The following TIAM2 variants were observed in gnomAD, a reference collection of about 807,000 sequenced individuals.
The protein encoded by TIAM2 is TIAM Rac1 associated GEF 2.
In TIAM2, 80 loss-of-function variants were observed where a neutral mutation model predicts 152.9. The ratio of observed to expected loss-of-function variants is 0.52; its 90% CI spans 0.44 to 0.63. The LOEUF (loss-of-function observed/expected upper bound fraction) is 0.63. Ranked by LOEUF, TIAM2 falls within the 30% of genes least tolerant of loss-of-function variation. The pLI is 0.00. For synonymous variants in TIAM2, 804 were observed against 838.0 expected (o/e 0.96, Z 0.70); for missense variants, 1,965 against 2,120.1 (o/e 0.93, Z 1.44).
chr6:155,145,964 TTA>T (rs1387591107), intron 6 of TIAM2, among the ~76,000 whole-genome samples: 1 of 152,188 alleles, frequency 6.6e-6, no homozygotes, highest in Non-Finnish European at 1.5e-5. Context: ...AGTAATGAAT[TTA>T]TGTTAGTCTG....
chr6:155,078,656 C>G (rs1055067210), intron 1 of TIAM2, among the ~76,000 whole-genome samples: 5 of 152,214 alleles, frequency 3.3e-5, no homozygotes, highest in Non-Finnish European at 5.9e-5. Context: ...TGTCTGAACT[C>G]CCACCCAGGA....
chr6:155,202,988 G>A (rs1034012252), intron 14 of TIAM2, among the ~76,000 whole-genome samples: 2 of 144,154 alleles, frequency 1.4e-5, no homozygotes, highest in South Asian at 2.2e-4. Context: ...GGCGGAGGTC[G>A]CAGTGAGCTG....
chr6:155,206,841 A>G (rs564972056), intron 14 of TIAM2, among the ~76,000 whole-genome samples: 60 of 152,346 alleles, frequency 3.9e-4, no homozygotes, highest in African/African-American at 1.4e-3. Flanking sequence ...AAAAGGGTAT[A>G]TTAACCAGAT....
chr6:155,008,145 G>A (rs1778429370), intron 1 of TIAM2, among the ~76,000 whole-genome samples: 1 of 152,126 alleles, frequency 6.6e-6, no homozygotes, highest in Non-Finnish European at 1.5e-5. Flanking sequence ...AGAGTGCATT[G>A]AAAATTCTTG....
intron 15 of TIAM2, among the ~76,000 whole-genome samples, chr6:155,230,556 G>A (rs1387654263): frequency 6.6e-6 from 1 of 152,198 alleles, no homozygotes; most frequent in African/African-American, 2.4e-5. Context: ...GTTCATCAAA[G>A]TGTCTTTATG....
chr6:155,040,868 A>G (rs1777013250), intron 1 of TIAM2, among the ~76,000 whole-genome samples: 2 of 152,152 alleles, frequency 1.3e-5, no homozygotes, highest in South Asian at 4.1e-4. Flanking sequence ...TTTTGGAAGT[A>G]AAATAACAGG....
At chr6:155,004,297 T>C (rs9480003) in intron 1 of TIAM2, among the ~76,000 whole-genome samples, 34,615 of 152,222 alleles carry the variant, frequency 0.23, 4,672 homozygotes, top group African/African-American at 0.38. Context: ...GTCTTCCTAG[T>C]GTGCCTCAGT....
At chr6:155,249,994 G>A (rs1426094679) in intron 21 of TIAM2, 25 bp downstream of exon 21, 1 of 1,579,984 alleles carries the variant, frequency 6.3e-7, no homozygotes, top group Admixed American at 1.7e-5. Context: ...TGCACCCTGG[G>A]AGCCTAGTGC....
At chr6:155,096,002 C>T (rs1778412180) in intron 2 of TIAM2, among the ~76,000 whole-genome samples, 1 of 152,086 alleles carries the variant, frequency 6.6e-6, no homozygotes, top group South Asian at 2.1e-4. Context: ...TTAGCCAAAA[C>T]TCATTGTGTA....
At chr6:155,081,427 G>A (rs1214331488) in intron 1 of TIAM2, among the ~76,000 whole-genome samples, 1 of 147,888 alleles carries the variant, frequency 6.8e-6, no homozygotes, top group Non-Finnish European at 1.5e-5. Context: ...AAGCCACAAT[G>A]TATTTTTCCC....
At chr6:155,203,314 A>G (rs1182623645) in intron 14 of TIAM2, among the ~76,000 whole-genome samples, 1 of 152,202 alleles carries the variant, frequency 6.6e-6, no homozygotes, top group East Asian at 1.9e-4. Flanking sequence ...AGATACATAA[A>G]ATGAAGGAAT....
At chr6:155,177,337 A>T (rs1418183779) in intron 10 of TIAM2, among the ~76,000 whole-genome samples, 1 of 152,240 alleles carries the variant, frequency 6.6e-6, no homozygotes, top group Non-Finnish European at 1.5e-5. Flanking sequence ...AGGTAATTTA[A>T]TTTAATCCTA....
At chr6:155,145,229 T>A (rs1186860039) in intron 6 of TIAM2, among the ~76,000 whole-genome samples, 1 of 152,138 alleles carries the variant, frequency 6.6e-6, no homozygotes, top group East Asian at 1.9e-4. Context: ...TGCTATGAGG[T>A]CTCATTTCCC....
chr6:155,078,095 G>A (rs1240376928), intron 1 of TIAM2, among the ~76,000 whole-genome samples: 1 of 151,910 alleles, frequency 6.6e-6, no homozygotes, highest in East Asian at 1.9e-4. Context: ...GTCTCACTCT[G>A]TCACTCAGGC....
chr6:155,231,215 C>A (rs1036660816), intron 15 of TIAM2, among the ~76,000 whole-genome samples: 1 of 152,174 alleles, frequency 6.6e-6, no homozygotes, highest in African/African-American at 2.4e-5. Context: ...GCATCACTGG[C>A]AGCTGCTGCA....
chr6:155,238,778 A>G (rs74952627), intron 15 of TIAM2, among the ~76,000 whole-genome samples: 7,760 of 152,298 alleles, frequency 0.051, 273 homozygotes, highest in East Asian at 0.19. Flanking sequence ...GCCTTAGGCT[A>G]TGCTTTGGGG....
At chr6:155,165,828 A>C (rs1780418486) in intron 9 of TIAM2, among the ~76,000 whole-genome samples, 1 of 149,210 alleles carries the variant, frequency 6.7e-6, no homozygotes, top group Non-Finnish European at 1.5e-5. Flanking sequence ...AAAGGAATCA[A>C]CTCTTAGCAT....
intron 16 of TIAM2, among the ~76,000 whole-genome samples, chr6:155,242,695 T>G (rs1339388415): frequency 6.6e-6 from 1 of 152,178 alleles, no homozygotes; most frequent in African/African-American, 2.4e-5. Flanking sequence ...AAGAGAAATC[T>G]TTTCTATCAC....
chr6:155,046,120 G>A (rs1749512721), intron 1 of TIAM2, among the ~76,000 whole-genome samples: 2 of 151,834 alleles, frequency 1.3e-5, no homozygotes, highest in South Asian at 2.1e-4. Context: ...CCCACCTCCC[G>A]AGGTTTGGGC....
Sources: allele counts gnomAD v4.1 joint callset (sites outside exome capture counted in the v4.1 genomes callset), GRCh38; gene constraint gnomAD v4.1.1; transcripts MANE v1.5; gene names NCBI Gene and HGNC (gene_info 2026-07-23, HGNC 2026-07-21).